Variants in KCNQ3 observed in about 807,000 individuals in gnomAD.
KCNQ3 encodes the protein potassium voltage-gated channel subfamily KQT member 3.
KCNQ3 carries 30 observed loss-of-function variants against 92.5 expected under a neutral mutation model. The observed-to-expected ratio is 0.32, with a 90% CI of 0.24 to 0.44. The LOEUF (loss-of-function observed/expected upper bound fraction) is 0.44, where lower values mean the gene tolerates loss of function less well. Ranked by LOEUF, KCNQ3 falls within the 20% of genes least tolerant of loss-of-function variation. KCNQ3 has a pLI of 1.00. For synonymous variants in KCNQ3, 450 were observed against 468.8 expected, an observed-to-expected ratio of 0.96 and a Z score of 0.52; for missense variants, 913 against 1,140.3, an observed-to-expected ratio of 0.80 and a Z score of 2.87.
intron 1 of KCNQ3, among the ~76,000 whole-genome samples, chr8:132,308,636 A>G (rs1817505542): frequency 6.6e-6 from 1 of 152,206 alleles, no homozygotes; most frequent in Non-Finnish European, 1.5e-5. Flanking sequence ...TATTATTACC[A>G]TCAAGGGGAG....
At chr8:132,479,163 AC>A (rs1054541613) in intron 1 of KCNQ3, among the ~76,000 whole-genome samples, 1 of 151,794 alleles carries the variant, frequency 6.6e-6, no homozygotes, top group African/African-American at 2.4e-5. Context: ...AATGAGGAGC[AC>A]CCCCACCATC....
At chr8:132,153,937 A>T (rs573876600) in intron 9 of KCNQ3, among the ~76,000 whole-genome samples, 7 of 152,218 alleles carry the variant, frequency 4.6e-5, no homozygotes, top group African/African-American at 1.7e-4. Context: ...GTAGCCATTC[A>T]TCTTCAGTCT....
rs1824599067 is a variant in KCNQ3, at chr8:132,124,459, A to T, written c.*4803T>A. On this transcript the variant is annotated 3_prime_UTR_variant, in exon 15 of 15. Transcript: ENST00000388996. ...AAATCAAAACACGGCAGAAGAGTCA[A>T]ATGCTTTTGAATGTGCTGAAACTCA... 2 of 152,194 alleles carry T rather than the reference A, an allele frequency of 1.3e-5. No homozygotes were observed. Among genetic ancestry groups the T allele is most frequent in the African/African-American group, 4.8e-5 (2 of 41,450 alleles). 9.4% of individuals were successfully genotyped at this position (152,194 alleles called of 1,614,324 possible).
At chr8:132,159,002 G>A (rs1421617360) in intron 9 of KCNQ3, among the ~76,000 whole-genome samples, 2 of 152,122 alleles carry the variant, frequency 1.3e-5, no homozygotes, top group African/African-American at 4.8e-5. Context: ...AATACAGAGT[G>A]AACCACTGGG....
At chr8:132,402,349 C>G (rs1442754839) in intron 1 of KCNQ3, among the ~76,000 whole-genome samples, 4 of 152,298 alleles carry the variant, frequency 2.6e-5, no homozygotes, top group Middle Eastern at 3.4e-3. Context: ...TTCTGGTGAG[C>G]AATTAGTCTA....
At chr8:132,257,298 A>G (rs1340249678) in intron 1 of KCNQ3, among the ~76,000 whole-genome samples, 4 of 152,248 alleles carry the variant, frequency 2.6e-5, no homozygotes, top group Non-Finnish European at 5.9e-5. Context: ...ATACAAAAAT[A>G]GACAGTAATG....
At chr8:132,478,924 A>G (rs1822474043) in intron 1 of KCNQ3, among the ~76,000 whole-genome samples, 1 of 151,368 alleles carries the variant, frequency 6.6e-6, no homozygotes, top group African/African-American at 2.4e-5. Context: ...GTCATGGGTG[A>G]ATTGGAGGAG....
intron 1 of KCNQ3, among the ~76,000 whole-genome samples, chr8:132,401,610 G>A (rs937023131): frequency 3.3e-5 from 5 of 152,154 alleles, no homozygotes; most frequent in Admixed American, 6.5e-5. Flanking sequence ...TCCTGACCTC[G>A]TGATCCGCCT....
intron 1 of KCNQ3, among the ~76,000 whole-genome samples, chr8:132,448,418 A>C (rs1821737383): frequency 6.6e-6 from 1 of 151,754 alleles, no homozygotes. Flanking sequence ...GGGAGTTCAA[A>C]AGCAAACGTC....
At chr8:132,388,843 T>G (rs1819971609) in intron 1 of KCNQ3, among the ~76,000 whole-genome samples, 1 of 152,232 alleles carries the variant, frequency 6.6e-6, no homozygotes, top group Non-Finnish European at 1.5e-5. Flanking sequence ...CCCAAGTGTC[T>G]TACATGAATC....
In KCNQ3 at chr8:132,163,519, A is replaced by T. The variant is rs2303996; in HGVS notation, c.1236-25T>A. The T allele has an allele frequency of 6.9e-4, 1,101 of 1,600,522 alleles. 7 individuals carry two copies. The East Asian group carries it at 0.021, about 30-fold the overall frequency. On this transcript the variant is annotated intron_variant, in intron 8 of 14. Transcript: ENST00000388996. ...CCTAGAAAGAGAAGAGGGAGAAAAAATAAAGCATAAATTACGTGAAACAGC... is the reference window on the plus strand; with the variant it reads ...CCTAGAAAGAGAAGAGGGAGAAAAATTAAAGCATAAATTACGTGAAACAGC...
chr8:132,145,165 C>A lies in KCNQ3; in HGVS notation c.1263-3834G>T, dbSNP rs60045671. On this transcript the variant is annotated intron_variant, in intron 9 of 14. Transcript: ENST00000388996. ...ATTCCCAACAAAGAATTATCTGTCA[C>A]AAATATCAATAGTGCTGAGGTTGAA... Among the ~76,000 whole-genome samples the A allele has an allele frequency of 7.6e-3, 1,155 of 152,276 alleles. 20 individuals carry two copies. The highest frequency in any genetic ancestry group is 0.027 in the African/African-American group (1,103 of 41,544).
chr8:132,302,637 G>T (rs1252650638), intron 1 of KCNQ3, among the ~76,000 whole-genome samples: 3 of 152,154 alleles, frequency 2.0e-5, no homozygotes, highest in Admixed American at 6.5e-5. Context: ...CTCCTGAAAG[G>T]GTTGACCCCA....
intron 1 of KCNQ3, among the ~76,000 whole-genome samples, chr8:132,284,853 C>T (rs1481879144): frequency 6.6e-6 from 1 of 152,180 alleles, no homozygotes; most frequent in African/African-American, 2.4e-5. Context: ...TAAATTAGTT[C>T]TGGCAGAAAT....
chr8:132,461,400 C>T (rs556976503), intron 1 of KCNQ3, among the ~76,000 whole-genome samples: 3 of 152,154 alleles, frequency 2.0e-5, no homozygotes, highest in South Asian at 4.2e-4. Flanking sequence ...CCCGTCTCCA[C>T]TAAAAAATAC....
intron 1 of KCNQ3, among the ~76,000 whole-genome samples, chr8:132,241,842 GAACAA>G (rs572623152): frequency 6.6e-6 from 1 of 152,078 alleles, no homozygotes; most frequent in African/African-American, 2.4e-5. Flanking sequence ...CTAAATTAAA[GAACAA>G]AACAAAACAA....
chr8:132,176,588 C>A (rs1489582056), intron 4 of KCNQ3, among the ~76,000 whole-genome samples: 2 of 152,290 alleles, frequency 1.3e-5, no homozygotes, highest in East Asian at 3.9e-4. Context: ...TCAGCTGGCC[C>A]TTCTGGGCCA....
At chr8:132,362,056 G>A (rs1226038799) in intron 1 of KCNQ3, among the ~76,000 whole-genome samples, 2 of 152,200 alleles carry the variant, frequency 1.3e-5, no homozygotes, top group Middle Eastern at 3.4e-3. Context: ...ATTATAGGAT[G>A]TAACTTGAAC....
At chr8:132,259,951 CAAGG>C (rs1815720952) in intron 1 of KCNQ3, among the ~76,000 whole-genome samples, 1 of 152,078 alleles carries the variant, frequency 6.6e-6, no homozygotes, top group Non-Finnish European at 1.5e-5. Context: ...ACAAGACGTA[CAAGG>C]CTTGTACCTG....
Sources: allele counts gnomAD v4.1 joint callset (sites outside exome capture counted in the v4.1 genomes callset), GRCh38; gene constraint gnomAD v4.1.1; transcripts MANE v1.5; gene names NCBI Gene and HGNC (gene_info 2026-07-23, HGNC 2026-07-21).